The following FADS2 variants were observed in gnomAD, a reference collection of about 807,000 sequenced individuals.
The protein encoded by FADS2 is acyl-CoA 6-desaturase.
FADS2 carries 18 observed loss-of-function variants against 61.2 expected under a neutral mutation model. The ratio of observed to expected loss-of-function variants is 0.29; its 90% confidence interval spans 0.20 to 0.44. The LOEUF (loss-of-function observed/expected upper bound fraction) is 0.44, where lower values mean the gene tolerates loss of function less well. Among genes scored for constraint, FADS2 ranks in the 20% least tolerant of loss-of-function variants. The pLI is 1.00. For missense variants in FADS2, 322 were observed against 572.7 expected (o/e 0.56, Z 4.47); for synonymous variants, 203 against 223.9 (o/e 0.91, Z 0.83).
intron 1 of FADS2, among the ~76,000 whole-genome samples, chr11:61,836,875 C>T (rs1024871237): frequency 6.6e-6 from 1 of 152,236 alleles, no homozygotes; most frequent in Non-Finnish European, 1.5e-5. Context: ...ACCACTGGGA[C>T]ATTCTATTGC....
chr11:61,852,805 C>T (rs917416447), intron 5 of FADS2, among the ~76,000 whole-genome samples: 4 of 151,920 alleles, frequency 2.6e-5, no homozygotes, highest in East Asian at 1.9e-4. Flanking sequence ...AGTTGTGTTT[C>T]GGTTGATTCT....
chr11:61,816,806 G>A lies in FADS2; in HGVS notation c.141+380G>A, dbSNP rs1248954330. 14 of 1,497,278 alleles carry A rather than the reference G, an allele frequency of 9.4e-6. No homozygotes were observed. The highest frequency in any genetic ancestry group is 1.2e-5 in the Non-Finnish European group (14 of 1,133,150). The allele number at this position is 1,497,278 out of a possible 1,614,324, so 92.7% of individuals were successfully genotyped here. ...GCCGGGCCAGCAGGGGCTGTCAGGCGCGTGCTCGGGGTCCGCGGGCTCCAG... is the reference window on the plus strand; with the variant it reads ...GCCGGGCCAGCAGGGGCTGTCAGGCACGTGCTCGGGGTCCGCGGGCTCCAG... On this transcript the variant is annotated intron_variant, in intron 1 of 11. Coordinates refer to the FADS2 transcript ENST00000257261. The surrounding 1 kb of genome is among the most constrained non-coding windows in gnomAD (Gnocchi z 7.0).
upstream of FADS2, among the ~76,000 whole-genome samples, chr11:61,824,386 GA>G (rs1213150632): frequency 4.6e-4 from 53 of 115,452 alleles, no homozygotes; most frequent in Admixed American, 3.0e-3. Flanking sequence ...CATCTTGGGG[GA>G]AAAAAAAAGA....
chr11:61,835,765 C>T (rs2727270), intron 1 of FADS2, among the ~76,000 whole-genome samples: 19,383 of 152,052 alleles, frequency 0.13, 1,945 homozygotes, highest in East Asian at 0.41. Context: ...CCTGTGTATC[C>T]TCAACCAAGA....
chr11:61,816,676 C>G lies in FADS2; in HGVS notation c.141+250C>G, dbSNP rs1229572600. 3 of 1,591,914 alleles carry G rather than the reference C, an allele frequency of 1.9e-6. No individual in the cohort carries two copies. Among genetic ancestry groups the G allele is most frequent in the Non-Finnish European group, 2.6e-6 (3 of 1,170,044 alleles). On this transcript the variant is annotated intron_variant, in intron 1 of 11. Transcript: ENST00000257261. This position sits in a 1 kb window ranked among gnomAD's most constrained non-coding sequence, Gnocchi z 7.0. ...TAGCCACCGCTCCTCGCACCCTGAG[C>G]GCTGGGCCACCTCGTCCCAGGTGAA...
At chr11:61,844,692 G>C (rs1448207760) in intron 4 of FADS2, among the ~76,000 whole-genome samples, 1 of 152,132 alleles carries the variant, frequency 6.6e-6, no homozygotes, top group Non-Finnish European at 1.5e-5. Flanking sequence ...TTGGGAGGTT[G>C]AGGAGGGCAG....
intron 1 of FADS2, chr11:61,829,324 G>A (rs2067108759): frequency 6.6e-6 from 1 of 152,198 alleles, no homozygotes; most frequent in Non-Finnish European, 1.5e-5. Flanking sequence ...GCACTAGACT[G>A]GCTTGGCAAC....
chr11:61,834,982 C>T (rs577679109), intron 1 of FADS2, among the ~76,000 whole-genome samples: 3 of 116,040 alleles, frequency 2.6e-5, no homozygotes, highest in Non-Finnish European at 3.7e-5. Context: ...TCCCTGCCTG[C>T]CCCCCCACCC....
At chr11:61,824,970 A>C (rs1261252712), upstream of FADS2, among the ~76,000 whole-genome samples, 1 of 152,006 alleles carries the variant, frequency 6.6e-6, no homozygotes, top group African/African-American at 2.4e-5. Flanking sequence ...AGGTGGGCAG[A>C]TCACGAGGTC....
intron 7 of FADS2, chr11:61,862,109 GC>G (rs2067422711): frequency 6.6e-6 from 1 of 152,576 alleles, no homozygotes; most frequent in Non-Finnish European, 1.5e-5. Flanking sequence ...CCATGCAGAG[GC>G]CCCGGGGAGG....
chr11:61,858,512 G>C (rs2135976845), intron 7 of FADS2, among the ~76,000 whole-genome samples: 1 of 152,114 alleles, frequency 6.6e-6, no homozygotes, highest in African/African-American at 2.4e-5. Flanking sequence ...TTCACCAAAA[G>C]TGGATTCTTG....
At chr11:61,857,176 C>G in intron 6 of FADS2, 105 bp downstream of exon 6, 1 of 1,059,302 alleles carries the variant, frequency 9.4e-7, no homozygotes, top group South Asian at 1.3e-5. Flanking sequence ...GAAAGTGACA[C>G]TAAACTTGTT....
At chr11:61,843,513 T>G (rs2067232421) in intron 4 of FADS2, among the ~76,000 whole-genome samples, 1 of 152,202 alleles carries the variant, frequency 6.6e-6, no homozygotes. Flanking sequence ...TTCTGCAGCC[T>G]CATCTCAGGC....
chr11:61,832,282 T>A (rs959013585), intron 1 of FADS2, among the ~76,000 whole-genome samples: 4 of 152,226 alleles, frequency 2.6e-5, no homozygotes, highest in African/African-American at 7.2e-5. Flanking sequence ...AAAGTGGAAC[T>A]CTGGCCTCCT....
chr11:61,819,645 A>G (rs572434371), intron 1 of FADS2, among the ~76,000 whole-genome samples: 1 of 152,370 alleles, frequency 6.6e-6, no homozygotes, highest in Admixed American at 6.5e-5. Flanking sequence ...CCATCAGTGA[A>G]ATATTTTGCA....
Position 61,816,342 on chromosome 11 carries a change from C to T in FADS2, c.57C>T (p.Ile19=). Residue 19 remains isoleucine, a synonymous_variant, in exon 1 of 12, where the codon ATC becomes ATT. Transcript: ENST00000257261. The surrounding 1 kb of genome is among the most constrained non-coding windows in gnomAD (Gnocchi z 7.0). ...GTGTGTGCGTGTTGTTGGCCTCCATCCCCACTCCCCAGACTCCACTTCTCC... is the reference window on the plus strand; with the variant it reads ...GTGTGTGCGTGTTGTTGGCCTCCATTCCCACTCCCCAGACTCCACTTCTCC... The T allele has an allele frequency of 6.3e-7, 1 of 1,598,382 alleles. No homozygotes were observed. Among genetic ancestry groups the T allele is most frequent in the Non-Finnish European group, 8.5e-7 (1 of 1,179,766 alleles).
In FADS2 at chr11:61,835,502, C is replaced by T. The variant is rs182266573; in HGVS notation, c.208-2276C>T. Among the ~76,000 whole-genome samples the T allele has an allele frequency of 2.8e-3, 420 of 151,464 alleles. 2 individuals are homozygous for T. Among genetic ancestry groups the T allele is most frequent in the African/African-American group, 9.5e-3 (391 of 41,296 alleles). On this transcript the variant is annotated intron_variant, in intron 1 of 11. Coordinates refer to ENST00000278840, the MANE Select transcript of FADS2 (RefSeq NM_004265.4). ...TTCCACCTCCCTGGCTAAAGCAATT[C>T]CCTGCCTCAACCTCCCAAGTAGCTG...
chr11:61,817,030 A>G, intron 1 of FADS2: 3 of 1,278,776 alleles, frequency 2.3e-6, no homozygotes, highest in Non-Finnish European at 3.0e-6. Flanking sequence ...CGGGCTCCCT[A>G]AAGGCGTCGC....
chr11:61,839,254 G>A (rs1262051515), intron 2 of FADS2, among the ~76,000 whole-genome samples: 1 of 152,108 alleles, frequency 6.6e-6, no homozygotes, highest in Non-Finnish European at 1.5e-5. Context: ...AGACCCAACA[G>A]TGTGCGCAGA....
Sources: gnomAD v4.1 joint callset for allele counts (sites outside exome capture counted in the v4.1 genomes callset) on GRCh38, gnomAD v4.1.1 for gene constraint, Gnocchi (gnomAD v3.1) non-coding constraint, MANE v1.5 for transcripts, NCBI Gene and HGNC (gene_info 2026-07-23, HGNC 2026-07-21) for gene names.